The following SPCS2 variants were observed in gnomAD, a reference collection of about 807,000 sequenced individuals.
SPCS2 encodes the protein signal peptidase complex subunit 2, also known as SPase 25 kDa subunit.
A neutral mutation model predicts 22.3 loss-of-function variants in SPCS2; 3 were observed. The observed-to-expected ratio is 0.13, with a 90% CI of 0.06 to 0.35. The LOEUF is 0.35. Ranked by LOEUF, SPCS2 falls within the 10% of genes least tolerant of loss-of-function variation. The pLI is 1.00. For missense variants in SPCS2, 169 were observed against 280.9 expected (o/e 0.60, Z 2.85); for synonymous variants, 67 against 97.2 (o/e 0.69, Z 1.83).
At chr11:74,975,381 C>A (rs1439632510) in intron 4 of SPCS2, among the ~76,000 whole-genome samples, 1 of 152,140 alleles carries the variant, frequency 6.6e-6, no homozygotes, top group South Asian at 2.1e-4. Context: ...TGTTCCCTCA[C>A]ACACACTAAA....
rs1392368133 is a variant in SPCS2 at position 74,955,519 on chromosome 11, T to A, written c.114+6120T>A. Among the ~76,000 whole-genome samples, 3 of 152,114 alleles carry A rather than the reference T, an allele frequency of 2.0e-5. No individual in the cohort carries two copies. In the East Asian group the frequency reaches 5.8e-4, roughly 30 times the overall value. On this transcript the variant is annotated intron_variant, in intron 1 of 4. Coordinates refer to ENST00000263672, the MANE Select transcript of SPCS2 (RefSeq NM_014752.3). ...ATATCCATAGAGACAGAAAGTAGAT[T>A]GTTGGCTGCCCGGGGATAGGGGACA...
intron 3 of SPCS2, among the ~76,000 whole-genome samples, 161 bp from the exon 4 acceptor site, chr11:74,969,404 A>G (rs939383012): frequency 6.6e-6 from 1 of 152,226 alleles, no homozygotes; most frequent in Non-Finnish European, 1.5e-5. Flanking sequence ...GTATATAAAC[A>G]TAAGGATGAA....
chr11:74,950,976 G>C (rs989194347), intron 1 of SPCS2, among the ~76,000 whole-genome samples: 5 of 152,190 alleles, frequency 3.3e-5, no homozygotes, highest in Non-Finnish European at 5.9e-5. Flanking sequence ...TGCTAGGTAA[G>C]CACCTCATAG....
In SPCS2 at chr11:74,978,870, T is replaced by C. The variant is rs1313882565; in HGVS notation, c.*1827T>C. ...AGTTCCCCCACTGTGCCTTTTTCTT[T>C]ACATGTGCATGCAAACATGTGTCTC... On this transcript the variant is annotated 3_prime_UTR_variant, in exon 5 of 5. Coordinates refer to ENST00000263672, the MANE Select transcript of SPCS2 (RefSeq NM_014752.3). 6.6e-6 allele frequency: 1 copy of C among 152,234 alleles called. No homozygotes were observed. The highest frequency in any genetic ancestry group is 1.5e-5 in the Non-Finnish European group (1 of 68,046). 9.4% of individuals were successfully genotyped at this position (152,234 alleles called of 1,614,324 possible).
chr11:74,954,340 A>T (rs530336645), intron 1 of SPCS2, among the ~76,000 whole-genome samples: 2 of 152,330 alleles, frequency 1.3e-5, no homozygotes, highest in South Asian at 4.1e-4. Flanking sequence ...TGGCTCCCCC[A>T]GTGCTTAATC....
At chr11:74,961,326 A>G (rs896720822) in intron 1 of SPCS2, among the ~76,000 whole-genome samples, 10 of 152,214 alleles carry the variant, frequency 6.6e-5, no homozygotes, top group African/African-American at 2.2e-4. Context: ...CAATTTAGCA[A>G]ACTAATAAGG....
At chr11:74,963,508 A>G (rs1197297815) in intron 1 of SPCS2, 6 of 382,028 alleles carry the variant, frequency 1.6e-5, no homozygotes, top group Non-Finnish European at 1.5e-5. Context: ...TAAAATCTTT[A>G]CAATTATTTT....
Position 74,976,839 on chromosome 11 carries a change from C to T in SPCS2, c.495-18C>T, listed in dbSNP as rs746411606. 2.5e-6 allele frequency: 4 copies of T among 1,613,390 alleles called. No individual in the cohort carries two copies. Among genetic ancestry groups the T allele is most frequent in the East Asian group, 2.2e-5 (1 of 44,894 alleles). On this transcript the variant is annotated intron_variant, in intron 4 of 4. Coordinates refer to ENST00000263672, the MANE Select transcript of SPCS2 (RefSeq NM_014752.3). ...CTGTGTTTGGTTTTTAATTTGTTATCTTTGCCCCCATGCTTAGGTTTGATG... is the reference window on the plus strand; with the variant it reads ...CTGTGTTTGGTTTTTAATTTGTTATTTTTGCCCCCATGCTTAGGTTTGATG...
intron 1 of SPCS2, among the ~76,000 whole-genome samples, chr11:74,961,687 C>G (rs1948515190): frequency 6.6e-6 from 1 of 151,902 alleles, no homozygotes; most frequent in Non-Finnish European, 1.5e-5. Flanking sequence ...ATTACTTAGC[C>G]TGGCTAAGTT....
chr11:74,963,133 A>G (rs1405527862), intron 1 of SPCS2, among the ~76,000 whole-genome samples: 1 of 152,234 alleles, frequency 6.6e-6, no homozygotes, highest in African/African-American at 2.4e-5. Flanking sequence ...CATGTCTTCA[A>G]AGAGGGATTT....
At chr11:74,957,177 A>G (rs1948484702) in intron 1 of SPCS2, among the ~76,000 whole-genome samples, 1 of 152,202 alleles carries the variant, frequency 6.6e-6, no homozygotes, top group African/African-American at 2.4e-5. Flanking sequence ...GCCATTCAAT[A>G]TTAATTTAAA....
At chr11:74,960,445 G>A (rs757820668) in intron 1 of SPCS2, among the ~76,000 whole-genome samples, 8 of 151,992 alleles carry the variant, frequency 5.3e-5, no homozygotes, top group African/African-American at 4.8e-5. Flanking sequence ...CATTGGGGGG[G>A]GAGGTTCAAC....
Position 74,965,890 on chromosome 11 carries a change from A to G in SPCS2, c.326A>G (p.Glu109Gly). 1 of 1,612,328 alleles carries G rather than the reference A, an allele frequency of 6.2e-7. No individual in the cohort carries two copies. Among genetic ancestry groups the G allele is most frequent in the Non-Finnish European group, 8.5e-7 (1 of 1,179,396 alleles). The stretch of plus-strand genomic sequence containing the variant: ...TGGGATTATATGCACCCCTTTCCAG[A>G]GTCCAAACCCGTTTTGGCTTTGTGT... ...LIWDYMHPFPESKPVLALCVI... is the reference protein window; with the variant it reads ...LIWDYMHPFPGSKPVLALCVI... Residue 109 changes from glutamate to glycine, a missense_variant, in exon 3 of 5, where the codon GAG becomes GGG. Physicochemically the swap from Glu to Gly is moderately conservative, Grantham distance 98. Transcript: ENST00000263672.
At chr11:74,959,651 C>A (rs1393659137) in intron 1 of SPCS2, among the ~76,000 whole-genome samples, 2 of 152,222 alleles carry the variant, frequency 1.3e-5, no homozygotes, top group African/African-American at 2.4e-5. Flanking sequence ...GATCCTTCCA[C>A]CTTGGCCTCC....
intron 1 of SPCS2, among the ~76,000 whole-genome samples, chr11:74,952,382 C>G (rs1392130827): frequency 1.3e-5 from 2 of 152,186 alleles, no homozygotes; most frequent in African/African-American, 4.8e-5. Context: ...TGTGGACATT[C>G]ATACATATTA....
intron 4 of SPCS2, among the ~76,000 whole-genome samples, chr11:74,975,666 A>G (rs571353406): frequency 7.9e-5 from 12 of 152,348 alleles, no homozygotes; most frequent in African/African-American, 2.9e-4. Context: ...AAATAGTTAA[A>G]GGAACTTCAC....
Position 74,975,878 on chromosome 11 carries a change from C to T in SPCS2, c.495-979C>T, listed in dbSNP as rs74560569. On this transcript the variant is annotated intron_variant, in intron 4 of 4. Transcript: ENST00000263672. ...TAAAGATAATACTAGCTTGACAATC[C>T]ACTGAATATGTCCTAATAAATGGAA... 5.2e-3 allele frequency among the ~76,000 whole-genome samples: 790 copies of T among 152,280 alleles called. 7 individuals are homozygous for T. Among genetic ancestry groups the T allele is most frequent in the African/African-American group, 0.019 (772 of 41,538 alleles).
intron 1 of SPCS2, among the ~76,000 whole-genome samples, chr11:74,956,896 G>A (rs1948482259): frequency 6.6e-6 from 1 of 151,964 alleles, no homozygotes; most frequent in Non-Finnish European, 1.5e-5. Flanking sequence ...GGATTTTGGT[G>A]TACTGTTTTC....
At chr11:74,959,658 C>G (rs1483079565) in intron 1 of SPCS2, among the ~76,000 whole-genome samples, 1 of 152,214 alleles carries the variant, frequency 6.6e-6, no homozygotes, top group African/African-American at 2.4e-5. Context: ...CCACCTTGGC[C>G]TCCCAAAGTG....
Sources: allele counts gnomAD v4.1 joint callset (sites outside exome capture counted in the v4.1 genomes callset), GRCh38; gene constraint gnomAD v4.1.1; transcripts MANE v1.5; gene names NCBI Gene and HGNC (gene_info 2026-07-23, HGNC 2026-07-21).